Variants in FASTK observed in about 807,000 individuals in gnomAD.
FASTK encodes fas-activated serine/threonine kinase.
A neutral mutation model predicts 60.0 loss-of-function variants in FASTK; 28 were observed. That is an observed-to-expected ratio of 0.47 (90% CI 0.35 to 0.64). FASTK has a LOEUF of 0.64. FASTK is among the 30% of genes least tolerant of loss of function. The probability of loss-of-function intolerance (pLI) is 0.01; values close to 1 mark genes in which losing one functional copy is unlikely to be tolerated. For missense variants in FASTK, 595 were observed against 713.8 expected, an observed-to-expected ratio of 0.83 and a Z score of 1.90; for synonymous variants, 325 against 307.9, an observed-to-expected ratio of 1.06 and a Z score of -0.58.
intron 7 of FASTK, 36 bp from the exon 8 acceptor site, chr7:151,077,272 C>T (rs781684166): frequency 1.9e-5 from 31 of 1,611,790 alleles, no homozygotes; most frequent in Non-Finnish European, 2.5e-5. Flanking sequence ...TTAGCCAGGG[C>T]TCCGTCTCCC....
In FASTK at chr7:151,077,975, T is replaced by C. The variant is rs1797762306; in HGVS notation, c.943A>G (p.Thr315Ala). Residue 315 changes from threonine to alanine, a missense_variant, in exon 5 of 10, where the codon ACA (threonine) becomes GCA (alanine). Physicochemically the swap from Thr to Ala is moderately conservative, Grantham distance 58. This residue lies in a region of FASTK where 471 missense variants were observed against 605.9 expected (regional missense o/e 0.78). Transcript: ENST00000297532. ...CACAGTGACATCAAGATGTTGACTG[T>C]AGCCAGGGGTGCCACCCCTGCTTCC... ...AREAGVAPLA[T>A]VNILMSLCQL... 1 of 1,613,354 alleles carries C rather than the reference T, an allele frequency of 6.2e-7. No individual in the cohort carries two copies. Among genetic ancestry groups the C allele is most frequent in the Admixed American group, 1.7e-5 (1 of 60,024 alleles).
chr7:151,079,090 G>C (rs1030553681), intron 2 of FASTK, 69 bp from the exon 3 acceptor site: 16 of 1,336,574 alleles, frequency 1.2e-5, no homozygotes, highest in Non-Finnish European at 1.4e-5. Flanking sequence ...GGGGTTACTT[G>C]GTGAATTCTC....
intron 1 of FASTK, 115 bp from the exon 2 acceptor site, chr7:151,080,037 TG>T: frequency 2.2e-6 from 2 of 910,010 alleles, no homozygotes; most frequent in Non-Finnish European, 3.3e-6. Flanking sequence ...CAAGCCTTTG[TG>T]ACTGCTCTGG....
At chr7:151,079,044 A>C (rs757769806) in intron 2 of FASTK, 23 bp from the exon 3 acceptor site, 50 of 1,439,614 alleles carry the variant, frequency 3.5e-5, no homozygotes, top group Non-Finnish European at 3.5e-5. Context: ...GGTAAAAGGC[A>C]GCCTGGTAAC....
intron 2 of FASTK, 53 bp from the exon 3 acceptor site, chr7:151,079,074 T>C: frequency 7.3e-7 from 1 of 1,375,652 alleles, no homozygotes; most frequent in Non-Finnish European, 9.5e-7. Context: ...CTGCTGTTCT[T>C]ATCATGGGGT....
In FASTK at chr7:151,079,998, C is replaced by T. The variant is rs566463642; in HGVS notation, c.83-76G>A. ...GACCTGCTACCTACTGCTTACCTCA[C>T]TCCTCATTTAGGGGGCCTGTGGTCA... On this transcript the variant is annotated intron_variant, in intron 1 of 9. Coordinates refer to ENST00000297532, the MANE Select transcript of FASTK (RefSeq NM_006712.5). 5.0e-3 allele frequency: 6,535 copies of T among 1,311,684 alleles called. 39 individuals carry two copies. Among genetic ancestry groups the T allele is most frequent in the Non-Finnish European group, 5.7e-3 (5,465 of 962,010 alleles). 81.3% of individuals were successfully genotyped at this position (1,311,684 alleles called of 1,614,324 possible).
Position 151,077,874 on chromosome 7 carries a change from C to A in FASTK, c.1039+5G>T. The A allele has an allele frequency of 6.2e-7, 1 of 1,611,466 alleles. No homozygotes were observed. Among genetic ancestry groups the A allele is most frequent in the South Asian group, 1.1e-5 (1 of 91,012 alleles). On this transcript the variant is annotated splice_donor_5th_base_variant and intron_variant, in intron 5 of 9. Transcript: ENST00000297532. ...GGGGCCCAGCCAGCCATCCTGGCTG[C>A]GTACCACTGATGTAGTTGATGAAGC... is the stretch of plus-strand genomic sequence containing the variant.
At chr7:151,077,596 C>G in intron 6 of FASTK, 25 bp downstream of exon 6, 1 of 1,532,058 alleles carries the variant, frequency 6.5e-7, no homozygotes, top group Non-Finnish European at 8.8e-7. Context: ...TGGCCCCTCC[C>G]CTTGCCCCAG....
intron 4 of FASTK, 22 bp from the exon 5 acceptor site, chr7:151,078,114 T>A: frequency 6.6e-7 from 1 of 1,525,304 alleles, no homozygotes; most frequent in African/African-American, 1.4e-5. Flanking sequence ...GAGCAGTTCA[T>A]TACCCAGTGT....
chr7:151,077,184 C>T lies in FASTK; in HGVS notation c.1344G>A (p.Gln448=), dbSNP rs557896050. 1 of 1,613,152 alleles carries T rather than the reference C, an allele frequency of 6.2e-7. No individual in the cohort carries two copies. The highest frequency in any genetic ancestry group is 1.1e-5 in the South Asian group (1 of 91,050). The change falls in exon 8 of 10, where the codon CAG becomes CAA. Residue 448 remains glutamine, a synonymous_variant. Transcript: ENST00000297532. ...TTGGTGGGTATGGCAGGAAGGGGTC[C>T]TGGGTCCTCACGGGAAGCACAGCAC... ...SSGAVLPVRT[Q]DPFLPYPPRS... is the part of the protein sequence containing the mutation.
In FASTK at chr7:151,077,222, C is replaced by T. The variant is rs576660474; in HGVS notation, c.1306G>A (p.Ala436Thr). The T allele has an allele frequency of 3.3e-5, 54 of 1,612,494 alleles. No individual in the cohort carries two copies. Among genetic ancestry groups the T allele is most frequent in the South Asian group, 2.7e-4 (25 of 91,012 alleles). ...PGYCTDFLLC[A>T]SSSGAVLPVR... ...GGAAGCACAGCACCAGAGCTGCTGG[C>T]GCACAGCAGGAAGTCTGGAGGGGAG... is the stretch of plus-strand genomic sequence containing the variant. The change falls in exon 8 of 10, where the codon GCC (alanine) becomes ACC (threonine). Residue 436 changes from alanine to threonine, a missense_variant. Transcript: ENST00000297532.
Position 151,080,459 on chromosome 7 carries a change from T to G in FASTK, c.82+226A>C, listed in dbSNP as rs190804381. On this transcript the variant is annotated intron_variant, in intron 1 of 9. Transcript: ENST00000297532. ...CACCAGCGGCGTGACCTTGGACAAG[T>G]GGCTTCGTCTCTCTAAGTCTCCTCA... 1.6e-4 allele frequency: 205 copies of G among 1,261,900 alleles called. 2 individuals carry two copies. In the East Asian group the frequency reaches 6.5e-3, roughly 40 times the overall value. The allele number at this position is 1,261,900 out of a possible 1,614,324, so 78.2% of individuals were successfully genotyped here.
At position 151,079,479 on chromosome 7, in the gene FASTK, C is replaced by T. The variant is rs768232564; in HGVS notation, c.505+21G>A. 23 of 1,556,492 alleles carry T rather than the reference C, an allele frequency of 1.5e-5. No individual in the cohort carries two copies. The African/African-American group carries it at 2.5e-4, about 17-fold the overall frequency. On this transcript the variant is annotated intron_variant, in intron 2 of 9. Transcript: ENST00000297532. Reference sequence around the variant, plus strand: ...CATTAACACCTAGCCCCCCAGGCGCCCACCTCAAGCCCCTCCTCACCAAGT... The same window carrying T: ...CATTAACACCTAGCCCCCCAGGCGCTCACCTCAAGCCCCTCCTCACCAAGT...
intron 2 of FASTK, chr7:151,079,249 A>C (rs1563383039): frequency 1.7e-6 from 1 of 584,024 alleles, no homozygotes. Context: ...CTTTCATCTC[A>C]TACCAATTGT....
chr7:151,079,137 G>T, intron 2 of FASTK, 116 bp from the exon 3 acceptor site: 1 of 970,752 alleles, frequency 1.0e-6, no homozygotes, highest in Non-Finnish European at 1.5e-6. Context: ...GCGGGAAGGT[G>T]TGCTAGAGTT....
At position 151,077,084 on chromosome 7, in the gene FASTK, C is replaced by A. The variant is rs765009890; in HGVS notation, c.1427+17G>T. ...GCGGGCAAGGTGGCCAGGGCTCCCC[C>A]ACCCTGCCTCCTTTACCTCTGGGCA... On this transcript the variant is annotated intron_variant, in intron 8 of 9. Coordinates refer to ENST00000297532, the MANE Select transcript of FASTK (RefSeq NM_006712.5). The A allele has an allele frequency of 8.7e-6, 14 of 1,607,086 alleles. No homozygotes were observed. The South Asian group carries it at 1.5e-4, about 18-fold the overall frequency.
intron 1 of FASTK, 86 bp from the exon 2 acceptor site, chr7:151,080,008 A>G: frequency 8.1e-7 from 1 of 1,230,944 alleles, no homozygotes; most frequent in Non-Finnish European, 1.1e-6. Context: ...CTCCTCATTT[A>G]GGGGGCCTGT....
rs1563381240 is a variant in FASTK, at chr7:151,078,828, A to C, written c.685+14T>G. 2 of 1,606,258 alleles carry C rather than the reference A, an allele frequency of 1.2e-6. No individual in the cohort carries two copies. The highest frequency in any genetic ancestry group is 1.7e-6 in the Non-Finnish European group (2 of 1,177,302). On this transcript the variant is annotated intron_variant, in intron 3 of 9. Coordinates refer to ENST00000297532, the MANE Select transcript of FASTK (RefSeq NM_006712.5). ...CCCTCCCCACCCCCATCTGATTTTA[A>C]CCCCCTCCAGCACCTGCCAGGCTGC...
At chr7:151,077,063 G>C (rs1194658876) in intron 8 of FASTK, 36 bp from the exon 9 acceptor site, 2 of 1,609,292 alleles carry the variant, frequency 1.2e-6, no homozygotes, top group Admixed American at 3.3e-5. Context: ...GGCATGGCGG[G>C]CAAGGTGGCC....
Sources: gnomAD v4.1 joint callset for allele counts on GRCh38, gnomAD v4.1.1 for gene constraint, gnomAD v4.1.1 regional missense constraint, MANE v1.5 for transcripts, NCBI Gene and HGNC (gene_info 2026-07-23, HGNC 2026-07-21) for gene names.